ADCY2: variants seen among roughly 807,000 people sequenced by gnomAD.
ADCY2 encodes the protein adenylate cyclase 2, also known as adenylate cyclase type 2.
A neutral mutation model predicts 125.2 loss-of-function variants in ADCY2; 31 were observed. The ratio of observed to expected loss-of-function variants is 0.25; its 90% confidence interval spans 0.19 to 0.33. The LOEUF (loss-of-function observed/expected upper bound fraction) is 0.33. Ranked by LOEUF, ADCY2 falls within the 10% of genes least tolerant of loss-of-function variation. The pLI is 1.00. For synonymous variants in ADCY2, 512 were observed against 548.4 expected (o/e 0.93, Z 0.93); for missense variants, 904 against 1,418.2 (o/e 0.64, Z 5.82).
rs1477835382 is a variant in ADCY2, at chr5:7,827,626, C to T, written c.*755C>T. On this transcript the variant is annotated 3_prime_UTR_variant, in exon 25 of 25. Transcript: ENST00000338316. ...GTTTTCCATCCATTCTCCCTTTTGA[C>T]ACAGTTGTTTCAGAAAGAGCTCTCC... 6.6e-6 allele frequency: 1 copy of T among 152,368 alleles called. No individual in the cohort carries two copies. Among genetic ancestry groups the T allele is most frequent in the African/African-American group, 2.4e-5 (1 of 41,452 alleles). 9.4% of individuals were successfully genotyped at this position (152,368 alleles called of 1,614,324 possible). A position where few individuals can be genotyped will look rare whatever the true frequency, so the allele number is the denominator to read the frequency against.
chr5:7,662,790 A>T (rs1415254365), intron 4 of ADCY2, among the ~76,000 whole-genome samples: 5 of 152,208 alleles, frequency 3.3e-5, no homozygotes, highest in Non-Finnish European at 7.3e-5. Context: ...AGAGATTTTC[A>T]TGAAAGGGCT....
At chr5:7,678,218 A>C (rs1740201082) in intron 4 of ADCY2, among the ~76,000 whole-genome samples, 1 of 152,266 alleles carries the variant, frequency 6.6e-6, no homozygotes, top group East Asian at 1.9e-4. Context: ...TTTATAAGTT[A>C]TTCATTCCCT....
chr5:7,396,546 C>A lies in ADCY2; in HGVS notation c.210+40C>A, dbSNP rs773276386. The A allele has an allele frequency of 5.9e-6, 9 of 1,523,780 alleles. No individual in the cohort carries two copies. The South Asian group carries it at 1.1e-4, about 18-fold the overall frequency. The allele number at this position is 1,523,780 out of a possible 1,614,324, so 94.4% of individuals were successfully genotyped here. A position where few individuals can be genotyped will look rare whatever the true frequency, so the allele number is the denominator to read the frequency against. ...CGCGGGTCCAGCGCCGCGCCTTCCC[C>A]GGCCCTGAGAGGAGCCCGGCCAGCC... On this transcript the variant is annotated intron_variant, in intron 1 of 24. Transcript: ENST00000338316. This position sits in a 1 kb window ranked among gnomAD's most constrained non-coding sequence, Gnocchi z 5.7.
chr5:7,404,631 A>G (rs1739402090), intron 1 of ADCY2, among the ~76,000 whole-genome samples: 1 of 152,232 alleles, frequency 6.6e-6, no homozygotes, highest in South Asian at 2.1e-4. Context: ...GTGACACATC[A>G]CTTTCATTCA....
At position 7,608,716 on chromosome 5, in the gene ADCY2, G is replaced by A. The variant is rs114475243; in HGVS notation, c.571-17451G>A. On this transcript the variant is annotated intron_variant, in intron 3 of 24. Coordinates refer to ENST00000338316, the MANE Select transcript of ADCY2 (RefSeq NM_020546.3). Reference sequence around the variant, plus strand: ...AAATCTAATGCCACAGGTATATTGCGTATCTGTTTATGTGATGTGTGCATT... The same window carrying A: ...AAATCTAATGCCACAGGTATATTGCATATCTGTTTATGTGATGTGTGCATT... 4.3e-3 allele frequency among the ~76,000 whole-genome samples: 660 copies of A among 152,168 alleles called. 3 individuals are homozygous for A. Among genetic ancestry groups the A allele is most frequent in the African/African-American group, 0.015 (629 of 41,518 alleles).
At chr5:7,698,546 C>T (rs2126328845) in intron 7 of ADCY2, among the ~76,000 whole-genome samples, 172 bp downstream of exon 7, 1 of 152,324 alleles carries the variant, frequency 6.6e-6, no homozygotes, top group Middle Eastern at 3.4e-3. Flanking sequence ...CCCTCACCCC[C>T]TCCCCAACAG....
At chr5:7,675,705 G>T (rs1196209689) in intron 4 of ADCY2, among the ~76,000 whole-genome samples, 1 of 152,196 alleles carries the variant, frequency 6.6e-6, no homozygotes, top group African/African-American at 2.4e-5. Context: ...AAATATATCA[G>T]GAGAGACTGT....
At chr5:7,716,792 A>C (rs1341212157) in intron 11 of ADCY2, among the ~76,000 whole-genome samples, 2 of 152,232 alleles carry the variant, frequency 1.3e-5, no homozygotes, top group Non-Finnish European at 2.9e-5. Flanking sequence ...GATAGATACC[A>C]GAGACTATCT....
chr5:7,527,309 A>G (rs760830233), intron 3 of ADCY2, among the ~76,000 whole-genome samples: 3 of 152,186 alleles, frequency 2.0e-5, no homozygotes, highest in East Asian at 1.9e-4. Flanking sequence ...CATCGTACAT[A>G]TACATCGTGC....
chr5:7,721,045 C>T (rs1341409993), intron 12 of ADCY2, among the ~76,000 whole-genome samples: 1 of 152,174 alleles, frequency 6.6e-6, no homozygotes, highest in African/African-American at 2.4e-5. Context: ...TCTCCACATC[C>T]CCTTCAACAC....
At position 7,709,402 on chromosome 5, in the gene ADCY2, G is replaced by C; in HGVS notation, c.1578+15G>C. ...TCAGCACCACGGTATGCCCTCCCCT[G>C]CCTCCAATGCCTGAGCACTGGGGGA... is the stretch of plus-strand genomic sequence containing the variant. On this transcript the variant is annotated intron_variant, in intron 10 of 24. Coordinates refer to ENST00000338316, the MANE Select transcript of ADCY2 (RefSeq NM_020546.3). This position sits in a 1 kb window ranked among gnomAD's most constrained non-coding sequence, Gnocchi z 4.4. 1 of 1,553,322 alleles carries C rather than the reference G, an allele frequency of 6.4e-7. No individual in the cohort carries two copies. The highest frequency in any genetic ancestry group is 1.2e-5 in the South Asian group (1 of 83,380).
intron 3 of ADCY2, among the ~76,000 whole-genome samples, chr5:7,584,420 TA>T (rs1736552870): frequency 6.6e-6 from 1 of 152,146 alleles, no homozygotes; most frequent in Non-Finnish European, 1.5e-5. Flanking sequence ...TAATAATGCA[TA>T]TTTTTGCATA....
chr5:7,692,514 C>G (rs1207477776), intron 5 of ADCY2, among the ~76,000 whole-genome samples: 1 of 152,170 alleles, frequency 6.6e-6, no homozygotes, highest in Admixed American at 6.5e-5. Context: ...TACTGGCTTG[C>G]CTTCAGGTTT....
Position 7,512,218 on chromosome 5 carries a change from CAAA to C in ADCY2, c.409-8500_409-8498del, listed in dbSNP as rs57381383. Among the ~76,000 whole-genome samples, 408 of 57,888 alleles carry C rather than the reference CAAA, an allele frequency of 7.0e-3. 4 individuals are homozygous for C. The highest frequency in any genetic ancestry group is 0.028 in the African/African-American group (352 of 12,578). The allele number at this position is 57,888 out of a possible 152,430, so 38.0% of individuals were successfully genotyped here. On this transcript the variant is annotated intron_variant, in intron 2 of 24. Transcript: ENST00000338316. ...CCTGGGCAGTAGAGCATGACTCCAT[CAAA>C]AAAAAAAAAAAAAAAAAAAGAAAAC...
At chr5:7,523,838 A>G (rs1734347760) in intron 3 of ADCY2, among the ~76,000 whole-genome samples, 2 of 152,240 alleles carry the variant, frequency 1.3e-5, no homozygotes, top group African/African-American at 4.8e-5. Context: ...ATGAAGAAAG[A>G]GGTTGCCCGC....
chr5:7,483,942 T>C (rs1742830452), intron 2 of ADCY2, among the ~76,000 whole-genome samples: 1 of 152,210 alleles, frequency 6.6e-6, no homozygotes, highest in South Asian at 2.1e-4. Context: ...TACAAACATT[T>C]TTATGAAAAT....
chr5:7,579,437 A>G (rs1053468314), intron 3 of ADCY2, among the ~76,000 whole-genome samples: 1 of 149,734 alleles, frequency 6.7e-6, no homozygotes, highest in Non-Finnish European at 1.5e-5. Context: ...ACAGAGACAG[A>G]GAGAGAGAGA....
chr5:7,603,535 A>C (rs1737286052), intron 3 of ADCY2, among the ~76,000 whole-genome samples: 1 of 152,212 alleles, frequency 6.6e-6, no homozygotes, highest in Non-Finnish European at 1.5e-5. Context: ...AATGCTGCTT[A>C]GAATGTGGTG....
intron 2 of ADCY2, among the ~76,000 whole-genome samples, chr5:7,420,229 G>A (rs368248781): frequency 1.3e-3 from 202 of 152,234 alleles, no homozygotes; most frequent in African/African-American, 4.3e-3. Context: ...CTGAGAAGCC[G>A]CATATCACCC....
Sources: gnomAD v4.1 joint callset for allele counts (sites outside exome capture counted in the v4.1 genomes callset) on GRCh38, gnomAD v4.1.1 for gene constraint, Gnocchi (gnomAD v3.1) non-coding constraint, MANE v1.5 for transcripts, NCBI Gene and HGNC (gene_info 2026-07-23, HGNC 2026-07-21) for gene names.